Variants in ACAP2 observed in about 807,000 individuals in gnomAD.
The protein encoded by ACAP2 is ArfGAP with coiled-coil, ankyrin repeat and PH domains 2.
ACAP2 carries 39 observed loss-of-function variants against 115.8 expected under a neutral mutation model. The observed-to-expected ratio is 0.34, with a 90% confidence interval of 0.26 to 0.44. The LOEUF is 0.44. Ranked by LOEUF, ACAP2 falls within the 20% of genes least tolerant of loss-of-function variation. The probability of loss-of-function intolerance (pLI) is 1.00; values close to 1 mark genes in which losing one functional copy is unlikely to be tolerated. For synonymous variants in ACAP2, 289 were observed against 315.8 expected (o/e 0.92, Z 0.90); for missense variants, 662 against 927.6 (o/e 0.71, Z 3.72).
In ACAP2 at chr3:195,415,417, C is replaced by T. The variant is rs571980745; in HGVS notation, c.54-23270G>A. 7.9e-5 allele frequency among the ~76,000 whole-genome samples: 12 copies of T among 151,932 alleles called. No homozygotes were observed. In the South Asian group the frequency reaches 2.3e-3, roughly 29 times the overall value. Reference sequence around the variant, plus strand: ...TCAGCCTCCCGAGTAACTGGGACTACGGGCGTGCACCACCATGCCCAGCTA... The same window carrying T: ...TCAGCCTCCCGAGTAACTGGGACTATGGGCGTGCACCACCATGCCCAGCTA... On this transcript the variant is annotated intron_variant, in intron 1 of 22. Transcript: ENST00000326793.
In ACAP2 at chr3:195,382,031, G is replaced by GAA. The variant is rs139637475; in HGVS notation, c.112-11_112-10dup. 6 of 1,490,286 alleles carry GAA rather than the reference G, an allele frequency of 4.0e-6. No homozygotes were observed. The African/African-American group carries it at 5.7e-5, about 14-fold the overall frequency. The allele number at this position is 1,490,286 out of a possible 1,614,324, so 92.3% of individuals were successfully genotyped here. A position where few individuals can be genotyped will look rare whatever the true frequency, so the allele number is the denominator to read the frequency against. On this transcript the variant is annotated splice_polypyrimidine_tract_variant and intron_variant, in intron 2 of 22. Coordinates refer to ENST00000326793, the MANE Select transcript of ACAP2 (RefSeq NM_012287.6). Reference sequence around the variant, plus strand: ...ATACAAAGTTTCACAAGCTGAAAAAGAAAAAAAAAATTCATCAGGTTGAAG... The same window carrying GAA: ...ATACAAAGTTTCACAAGCTGAAAAAGAAAAAAAAAAAATTCATCAGGTTGAAG...
chr3:195,314,520 C>T (rs1272323939), intron 10 of ACAP2, among the ~76,000 whole-genome samples: 2 of 152,162 alleles, frequency 1.3e-5, no homozygotes, highest in African/African-American at 4.8e-5. Flanking sequence ...CTGCCCACCT[C>T]GGCCTCCCAA....
intron 1 of ACAP2, among the ~76,000 whole-genome samples, chr3:195,437,331 T>C (rs1459852483): frequency 1.3e-5 from 2 of 152,168 alleles, no homozygotes; most frequent in Non-Finnish European, 2.9e-5. Context: ...CATAAGCTAC[T>C]GCACCCAGCC....
At chr3:195,280,588 A>C (rs1726432914) in intron 22 of ACAP2, 1 of 152,240 alleles carries the variant, frequency 6.6e-6, no homozygotes. Flanking sequence ...AATGCAAATA[A>C]ATACCAAGGA....
chr3:195,278,294 TAG>T lies in ACAP2; in HGVS notation c.*1032_*1033del, dbSNP rs1726264784. 6.6e-6 allele frequency: 1 copy of T among 152,126 alleles called. No homozygotes were observed. Among genetic ancestry groups the T allele is most frequent in the Non-Finnish European group, 1.5e-5 (1 of 68,012 alleles). The allele number at this position is 152,126 out of a possible 1,614,324, so 9.4% of individuals were successfully genotyped here. A position where few individuals can be genotyped will look rare whatever the true frequency, so the allele number is the denominator to read the frequency against. ...TGTGTACAAGTACACAAAATAGATG[TAG>T]AAAAAATAAACAGCAATTTATTGCT... On this transcript the variant is annotated 3_prime_UTR_variant, in exon 23 of 23. Coordinates refer to ENST00000326793, the MANE Select transcript of ACAP2 (RefSeq NM_012287.6).
At chr3:195,322,507 C>T (rs1355285161) in intron 9 of ACAP2, among the ~76,000 whole-genome samples, 2 of 152,044 alleles carry the variant, frequency 1.3e-5, no homozygotes, top group Non-Finnish European at 2.9e-5. Context: ...ACCTTTGAAA[C>T]TTTAACCACG....
At position 195,405,564 on chromosome 3, in the gene ACAP2, TAA is replaced by T. The variant is rs199853465; in HGVS notation, c.54-13419_54-13418del. 4.7e-3 allele frequency among the ~76,000 whole-genome samples: 711 copies of T among 152,104 alleles called. 5 individuals carry two copies. The highest frequency in any genetic ancestry group is 0.016 in the African/African-American group (671 of 41,478). On this transcript the variant is annotated intron_variant, in intron 1 of 22. Transcript: ENST00000326793. ...AGCTGGGTGTGGTGGCGCACACCTG[TAA>T]TCCCAGCTACTCAGGAGGCTGAGGC...
chr3:195,429,963 G>A (rs903589855), intron 1 of ACAP2, among the ~76,000 whole-genome samples: 38 of 152,294 alleles, frequency 2.5e-4, no homozygotes, highest in Admixed American at 2.2e-3. Context: ...ACTGGATAAT[G>A]AGGGGTCATT....
chr3:195,294,935 G>T, intron 17 of ACAP2, 124 bp from the exon 18 acceptor site: 1 of 554,002 alleles, frequency 1.8e-6, no homozygotes. Flanking sequence ...CAAGGAGAAT[G>T]CATTTAATAT....
intron 4 of ACAP2, among the ~76,000 whole-genome samples, chr3:195,378,344 T>A (rs1456401277): frequency 1.3e-5 from 2 of 151,814 alleles, no homozygotes; most frequent in East Asian, 3.9e-4. Flanking sequence ...TACAAAAAAT[T>A]AGCTGGGCGT....
chr3:195,348,980 A>G (rs1159027132), intron 4 of ACAP2, among the ~76,000 whole-genome samples: 1 of 152,196 alleles, frequency 6.6e-6, no homozygotes, highest in Non-Finnish European at 1.5e-5. Flanking sequence ...CAAGAAATAA[A>G]AAGCATACAG....
At chr3:195,439,191 C>CT (rs3072388) in intron 1 of ACAP2, among the ~76,000 whole-genome samples, 43,638 of 133,264 alleles carry the variant, frequency 0.33, 7,573 homozygotes, top group Admixed American at 0.4. Flanking sequence ...AGGCTAAGGC[C>CT]TTTTTTTTTT....
intron 1 of ACAP2, among the ~76,000 whole-genome samples, chr3:195,400,545 T>G (rs2108790108): frequency 6.6e-6 from 1 of 152,266 alleles, no homozygotes; most frequent in South Asian, 2.1e-4. Flanking sequence ...AAGTTGACTT[T>G]CTACAAAATC....
chr3:195,419,985 T>C (rs1449735880), intron 1 of ACAP2, among the ~76,000 whole-genome samples: 1 of 152,224 alleles, frequency 6.6e-6, no homozygotes, highest in Non-Finnish European at 1.5e-5. Flanking sequence ...TGGCTAGTCT[T>C]GCATGTTTGT....
rs7642193 is a variant in ACAP2, at chr3:195,345,159, T to C, written c.344+100A>G. ...ACAAAGCAAACAAAATGTCAATATT[T>C]TCAATAATTCATGGTATATAACTTC... is the stretch of plus-strand genomic sequence containing the variant. On this transcript the variant is annotated intron_variant, in intron 5 of 22. Coordinates refer to ENST00000326793, the MANE Select transcript of ACAP2 (RefSeq NM_012287.6). 2,024 of 814,974 alleles carry C rather than the reference T, an allele frequency of 2.5e-3. 19 individuals are homozygous for C. Among genetic ancestry groups the C allele is most frequent in the African/African-American group, 0.024 (1,411 of 57,958 alleles). The allele number at this position is 814,974 out of a possible 1,614,324, so 50.5% of individuals were successfully genotyped here.
intron 1 of ACAP2, among the ~76,000 whole-genome samples, chr3:195,438,075 G>C (rs1715703628): frequency 6.7e-6 from 1 of 148,448 alleles, no homozygotes. Context: ...CCCCAGGCTG[G>C]AGTGCAGTGG....
intron 1 of ACAP2, among the ~76,000 whole-genome samples, chr3:195,416,765 C>T (rs961514959): frequency 2.0e-5 from 3 of 152,138 alleles, no homozygotes; most frequent in Admixed American, 2.0e-4. Flanking sequence ...AGGAATGTGT[C>T]AATTTGGTTG....
intron 1 of ACAP2, among the ~76,000 whole-genome samples, chr3:195,439,106 A>C (rs571322481): frequency 6.6e-6 from 1 of 152,214 alleles, no homozygotes; most frequent in Admixed American, 6.5e-5. Flanking sequence ...AAAAATGAAA[A>C]ACCTGCAGGA....
At chr3:195,438,086 C>T (rs1246543778) in intron 1 of ACAP2, among the ~76,000 whole-genome samples, 3 of 147,850 alleles carry the variant, frequency 2.0e-5, no homozygotes, top group Non-Finnish European at 4.5e-5. Context: ...AGTGCAGTGG[C>T]GCAATCTCAG....
Sources: gnomAD v4.1 joint callset for allele counts (sites outside exome capture counted in the v4.1 genomes callset) on GRCh38, gnomAD v4.1.1 for gene constraint, MANE v1.5 for transcripts, NCBI Gene and HGNC (gene_info 2026-07-23, HGNC 2026-07-21) for gene names.